The following MSN variants were observed in gnomAD, a reference collection of about 807,000 sequenced individuals.
MSN encodes epididymis luminal protein 70.
MSN carries 2 observed loss-of-function variants against 48.0 expected under a neutral mutation model. The ratio of observed to expected loss-of-function variants is 0.04; its 90% CI spans 0.02 to 0.13. The LOEUF (loss-of-function observed/expected upper bound fraction) is 0.13. Ranked by LOEUF, MSN falls within the 10% of genes least tolerant of loss-of-function variation. The pLI, the probability that MSN is intolerant of heterozygous loss-of-function variation, is 1.00. For missense variants in MSN, 267 were observed against 470.1 expected, an observed-to-expected ratio of 0.57 and a Z score of 3.99; for synonymous variants, 146 against 166.9, an observed-to-expected ratio of 0.87 and a Z score of 0.97.
intron 1 of MSN, among the ~76,000 whole-genome samples, chrX:65,627,576 G>A (rs2070518458): frequency 9.0e-6 from 1 of 110,843 alleles, no homozygotes; most frequent in South Asian, 3.8e-4. Context: ...CCTCCCCCTG[G>A]GTCCCATTGT....
intron 1 of MSN, among the ~76,000 whole-genome samples, chrX:65,644,008 C>CT (rs2070677447): frequency 8.9e-6 from 1 of 111,968 alleles, no homozygotes; most frequent in African/African-American, 3.2e-5. Flanking sequence ...GGGACAACCA[C>CT]TTTTTTCTCT....
intron 1 of MSN, among the ~76,000 whole-genome samples, chrX:65,630,000 G>A (rs1245433830): frequency 9.0e-6 from 1 of 110,979 alleles, no homozygotes; most frequent in Non-Finnish European, 1.9e-5. Flanking sequence ...CCAACGTGGT[G>A]AAACTCTGTC....
intron 1 of MSN, among the ~76,000 whole-genome samples, chrX:65,623,179 C>T (rs2070468031): frequency 9.1e-6 from 1 of 109,408 alleles, no homozygotes; most frequent in Non-Finnish European, 1.9e-5. Context: ...AGGACCTTTG[C>T]CTCTAAATTC....
intron 1 of MSN, among the ~76,000 whole-genome samples, chrX:65,609,694 T>C (rs962914568): frequency 7.2e-5 from 8 of 111,463 alleles, no homozygotes; most frequent in South Asian, 3.7e-4. Context: ...CCATCCTGGC[T>C]AACACGGTGA....
chrX:65,653,798 A>C (rs1442821248), intron 1 of MSN, among the ~76,000 whole-genome samples: 1 of 110,798 alleles, frequency 9.0e-6, no homozygotes, highest in Non-Finnish European at 1.9e-5. Context: ...TTTGAGATGG[A>C]GTTTTGCTCT....
At chrX:65,729,196 G>T (rs2071597855) in intron 3 of MSN, among the ~76,000 whole-genome samples, 1 of 111,835 alleles carries the variant, frequency 8.9e-6, no homozygotes, top group Admixed American at 9.5e-5. Context: ...GAAGATTTCT[G>T]ATCATCAGTC....
chrX:65,718,382 A>G (rs770582398), intron 2 of MSN, among the ~76,000 whole-genome samples: 1 of 111,815 alleles, frequency 8.9e-6, no homozygotes, highest in Non-Finnish European at 1.9e-5. Context: ...AGGATGTCCA[A>G]TCCAAAAAGA....
intron 1 of MSN, among the ~76,000 whole-genome samples, chrX:65,685,739 C>G (rs2071108833): frequency 8.9e-6 from 1 of 111,862 alleles, no homozygotes; most frequent in Admixed American, 9.5e-5. Context: ...GCGTGCACCA[C>G]TGTGCCTGGC....
intron 1 of MSN, among the ~76,000 whole-genome samples, chrX:65,658,156 A>C (rs1019462354): frequency 2.7e-5 from 3 of 111,947 alleles, no homozygotes; most frequent in Non-Finnish European, 5.6e-5. Context: ...CTACTACTGC[A>C]GTTTGTACTC....
intron 2 of MSN, among the ~76,000 whole-genome samples, chrX:65,724,070 A>G (rs1177264537): frequency 1.9e-5 from 2 of 105,644 alleles, no homozygotes; most frequent in African/African-American, 7.0e-5. Flanking sequence ...TTTAGGTATT[A>G]CTTTGCCCAA....
rs1260802436 is a variant in MSN, at chrX:65,707,644, T to G, written c.13-9174T>G. Among the ~76,000 whole-genome samples the G allele has an allele frequency of 3.6e-5, 4 of 112,060 alleles. No individual in the cohort carries two copies. In the Admixed American group the frequency reaches 3.8e-4, roughly 11 times the overall value. On this transcript the variant is annotated intron_variant, in intron 1 of 12. Coordinates refer to ENST00000360270, the MANE Select transcript of MSN (RefSeq NM_002444.3). Reference sequence around the variant, plus strand: ...TTTTCTGCCAACTTTGGAAACTTCATTTTTAGGTTCTTTCCTCCCAAACAA... The same window carrying G: ...TTTTCTGCCAACTTTGGAAACTTCAGTTTTAGGTTCTTTCCTCCCAAACAA...
chrX:65,728,185 C>A (rs764432063), intron 3 of MSN, among the ~76,000 whole-genome samples: 2 of 112,673 alleles, frequency 1.8e-5, no homozygotes, highest in East Asian at 5.6e-4. Context: ...TGAACTTTGA[C>A]TTGTTTTGGA....
chrX:65,627,974 C>T (rs775630757), intron 1 of MSN, among the ~76,000 whole-genome samples: 4 of 112,622 alleles, frequency 3.6e-5, no homozygotes, highest in Non-Finnish European at 7.5e-5. Flanking sequence ...TCCAAAATGA[C>T]CTCCTTTGAT....
At chrX:65,673,893 G>A (rs1282823741) in intron 1 of MSN, among the ~76,000 whole-genome samples, 1 of 111,555 alleles carries the variant, frequency 9.0e-6, no homozygotes, top group Non-Finnish European at 1.9e-5. Flanking sequence ...TCCAGTGTAG[G>A]GGAGGGATGG....
rs758116523 is a variant in MSN at position 65,609,782 on chromosome X, T to A, written c.-22+21170T>A. Among the ~76,000 whole-genome samples the A allele has an allele frequency of 6.3e-5, 7 of 110,436 alleles. No homozygotes were observed. In the South Asian group the frequency reaches 1.9e-3, roughly 30 times the overall value. Reference sequence around the variant, plus strand: ...CCTGTAGTCCCAGCTACCTGGGAGGTTGAGGCAGGAGAATCACTCGAACCC... The same window carrying A: ...CCTGTAGTCCCAGCTACCTGGGAGGATGAGGCAGGAGAATCACTCGAACCC... On this transcript the variant is annotated intron_variant, in intron 1 of 3. Transcript: ENST00000609672.
chrX:65,677,484 G>A (rs773673240), intron 1 of MSN, among the ~76,000 whole-genome samples: 1 of 112,403 alleles, frequency 8.9e-6, no homozygotes, highest in South Asian at 3.7e-4. Flanking sequence ...GAGTTTGCGT[G>A]TGGTGGCTCA....
At chrX:65,656,931 G>A (rs932558397) in intron 1 of MSN, among the ~76,000 whole-genome samples, 4 of 112,032 alleles carry the variant, frequency 3.6e-5, no homozygotes, top group African/African-American at 1.3e-4. Context: ...GGGTTCACCT[G>A]CCAATTCTGA....
chrX:65,637,737 G>A (rs1037248406), intron 1 of MSN, among the ~76,000 whole-genome samples: 1 of 109,804 alleles, frequency 9.1e-6, no homozygotes, highest in Non-Finnish European at 1.9e-5. Flanking sequence ...ATGTTGCCCA[G>A]GCTGGTCTTG....
intron 1 of MSN, among the ~76,000 whole-genome samples, chrX:65,703,027 CT>C (rs2071324014): frequency 8.9e-6 from 1 of 111,806 alleles, no homozygotes; most frequent in Non-Finnish European, 1.9e-5. Flanking sequence ...ATGTAATCAC[CT>C]TTTAGTTTTC....
Sources: gnomAD v4.1 joint callset for allele counts (sites outside exome capture counted in the v4.1 genomes callset) on GRCh38, gnomAD v4.1.1 for gene constraint, MANE v1.5 for transcripts, NCBI Gene and HGNC (gene_info 2026-07-23, HGNC 2026-07-21) for gene names.